Variants in TIMELESS observed in about 807,000 individuals in gnomAD.
TIMELESS encodes the protein protein timeless homolog.
Under a neutral mutation model 164.3 loss-of-function variants are expected in TIMELESS, and 124 were observed. That is an observed-to-expected ratio of 0.75 (90% CI 0.65 to 0.88). TIMELESS has a LOEUF of 0.88. Ranked by LOEUF, TIMELESS falls within the 40% of genes least tolerant of loss-of-function variation. The probability of loss-of-function intolerance (pLI) is 0.00; values close to 1 mark genes in which losing one functional copy is unlikely to be tolerated. For missense variants in TIMELESS, 1,422 were observed against 1,491.4 expected (o/e 0.95, Z 0.77); for synonymous variants, 564 against 563.4 (o/e 1.00, Z -0.02).
chr12:56,421,293 T>A, intron 23 of TIMELESS, 58 bp downstream of exon 23: 1 of 1,595,338 alleles, frequency 6.3e-7, no homozygotes, highest in Non-Finnish European at 8.5e-7. Flanking sequence ...GGACTGCTCC[T>A]AAGGACCACT....
Position 56,422,831 on chromosome 12 carries a change from CCAACTT to C in TIMELESS, c.2438+10_2438+15del. The C allele has an allele frequency of 9.8e-7, 1 of 1,015,496 alleles. No individual in the cohort carries two copies. Among genetic ancestry groups the C allele is most frequent in the Non-Finnish European group, 1.4e-6 (1 of 690,220 alleles). 62.9% of individuals were successfully genotyped at this position (1,015,496 alleles called of 1,614,324 possible). On this transcript the variant is annotated intron_variant, in intron 19 of 28. Transcript: ENST00000553532. ...TTCCCCTACCCCCACCCACCCTTTG[CCAACTT>C]CAAGCTCACCTGTCATCCAGGGAGC...
intron 1 of TIMELESS, among the ~76,000 whole-genome samples, chr12:56,445,672 G>A (rs988159226): frequency 1.3e-5 from 2 of 151,570 alleles, no homozygotes; most frequent in African/African-American, 4.8e-5. Flanking sequence ...GGAGGTTGCA[G>A]TGAGCTGAGA....
chr12:56,422,966 G>A lies in TIMELESS; in HGVS notation c.2319C>T (p.Ile773=). The A allele has an allele frequency of 6.2e-7, 1 of 1,613,924 alleles. No individual in the cohort carries two copies. The highest frequency in any genetic ancestry group is 8.5e-7 in the Non-Finnish European group (1 of 1,179,982). ...CAGCCAGTGCAAAAAATTTGCCCAG[G>A]ATGTATTTGGCAAAAGTCACTAGCT... ...YKELVTFAKY[I]LGKFFALAAV... is the part of the protein sequence containing the mutation. The change falls in exon 19 of 29, where the codon ATC becomes ATT. Residue 773 remains isoleucine (I), a synonymous_variant. Coordinates refer to ENST00000553532, the MANE Select transcript of TIMELESS (RefSeq NM_003920.5).
intron 10 of TIMELESS, 31 bp from the exon 11 acceptor site, chr12:56,429,131 C>G (rs370693217): frequency 1.9e-6 from 3 of 1,577,746 alleles, no homozygotes; most frequent in South Asian, 2.3e-5. Flanking sequence ...AAAAAGATCA[C>G]CATGACTCCA....
chr12:56,439,325 G>A (rs1454922297), intron 1 of TIMELESS, among the ~76,000 whole-genome samples: 1 of 151,974 alleles, frequency 6.6e-6, no homozygotes, highest in Non-Finnish European at 1.5e-5. Context: ...AGGAGGCTGA[G>A]GTGGGCAGAA....
In TIMELESS at chr12:56,423,010, T is replaced by C; in HGVS notation, c.2293-18A>G. ...ACTAGCTCCTGTAGGAGAAGGAGGT[T>C]ACTATGAGGCCTCTCTGGTCCAATG... On this transcript the variant is annotated intron_variant, in intron 18 of 28. Transcript: ENST00000553532. The C allele has an allele frequency of 6.2e-7, 1 of 1,610,856 alleles. No homozygotes were observed. Among genetic ancestry groups the C allele is most frequent in the Non-Finnish European group, 8.5e-7 (1 of 1,178,486 alleles).
intron 15 of TIMELESS, 96 bp downstream of exon 15, chr12:56,424,666 G>A: frequency 2.1e-6 from 3 of 1,458,542 alleles, no homozygotes; most frequent in Non-Finnish European, 2.8e-6. Flanking sequence ...GAGCCTTGAT[G>A]AGACAACTCT....
Position 56,432,527 on chromosome 12 carries a change from G to A in TIMELESS, c.532-3C>T, listed in dbSNP as rs774319418. ...GCACTGGCGTCATCATCAATCTTCT[G>A]AGCAGTGAGTGGTGAGGGTAGAAAG... is the stretch of plus-strand genomic sequence containing the variant. On this transcript the variant is annotated splice_region_variant and splice_polypyrimidine_tract_variant and intron_variant, in intron 6 of 28. Coordinates refer to ENST00000553532, the MANE Select transcript of TIMELESS (RefSeq NM_003920.5). The A allele has an allele frequency of 1.2e-6, 2 of 1,613,122 alleles. No homozygotes were observed. The highest frequency in any genetic ancestry group is 1.7e-5 in the Admixed American group (1 of 60,010).
At chr12:56,429,357 C>T (rs950654216) in intron 10 of TIMELESS, among the ~76,000 whole-genome samples, 15 of 152,096 alleles carry the variant, frequency 9.9e-5, no homozygotes, top group African/African-American at 3.4e-4. Context: ...CGCCACCACG[C>T]CCAGTTAATT....
chr12:56,420,980 T>C lies in TIMELESS; in HGVS notation c.3023A>G (p.Gln1008Arg). The stretch of plus-strand genomic sequence containing the variant: ...GTCCTCACCTTCCTGATGCAGGCTT[T>C]GACCAAGGTTTTCATTTGAAAGGAC... ...SLVLSNENLG[Q>R]SLHQEGFSIP... Residue 1008 changes from glutamine (Q) to arginine (R), a missense_variant, in exon 24 of 29, where the codon CAA becomes CGA. Physicochemically the swap from Gln to Arg is conservative, Grantham distance 43. Coordinates refer to ENST00000553532, the MANE Select transcript of TIMELESS (RefSeq NM_003920.5). 1 of 1,614,190 alleles carries C rather than the reference T, an allele frequency of 6.2e-7. No individual in the cohort carries two copies. The highest frequency in any genetic ancestry group is 8.5e-7 in the Non-Finnish European group (1 of 1,180,022).
intron 1 of TIMELESS, among the ~76,000 whole-genome samples, chr12:56,435,103 T>C (rs1440417362): frequency 6.6e-6 from 1 of 152,122 alleles, no homozygotes; most frequent in East Asian, 1.9e-4. Context: ...ACAGCTCTGA[T>C]GTACCACAGG....
chr12:56,448,832 A>C (rs1174208617), intron 1 of TIMELESS, among the ~76,000 whole-genome samples: 1 of 152,250 alleles, frequency 6.6e-6, no homozygotes, highest in African/African-American at 2.4e-5. Context: ...GCTGAGGTCC[A>C]GGTGACAAAC....
intron 21 of TIMELESS, 24 bp downstream of exon 21, chr12:56,421,875 C>G (rs1438057318): frequency 6.2e-7 from 1 of 1,613,476 alleles, no homozygotes; most frequent in Non-Finnish European, 8.5e-7. Context: ...ATCCCAATAG[C>G]CTCCAGAGCA....
Position 56,416,602 on chromosome 12 carries a change from T to C in TIMELESS, c.*1114A>G, listed in dbSNP as rs971636263. The C allele has an allele frequency of 8.5e-5, 13 of 152,252 alleles. No individual in the cohort carries two copies. The highest frequency in any genetic ancestry group is 1.9e-4 in the Non-Finnish European group (13 of 68,082). The allele number at this position is 152,252 out of a possible 1,614,324, so 9.4% of individuals were successfully genotyped here. On this transcript the variant is annotated 3_prime_UTR_variant, in exon 29 of 29. Coordinates refer to ENST00000553532, the MANE Select transcript of TIMELESS (RefSeq NM_003920.5). ...CTTCTCTTCCTTTATGGCTCCTCCT[T>C]CTTCCTGCCGCATACTCTTGTCACC...
chr12:56,428,299 G>T lies in TIMELESS; in HGVS notation c.1515C>A (p.Thr505=), dbSNP rs572439489. Residue 505 remains threonine, a synonymous_variant, in exon 13 of 29, where the codon ACC becomes ACA. Transcript: ENST00000553532. ...PRSFLRDLVE[T]THLFLKMLER... is the part of the protein sequence containing the mutation. ...CCAACATTTTGAGGAAGAGGTGGGT[G>T]GTCTCCACCAGGTCACGAAGGAAAG... 8.1e-6 allele frequency: 13 copies of T among 1,613,228 alleles called. No homozygotes were observed. Among genetic ancestry groups the T allele is most frequent in the African/African-American group, 6.7e-5 (5 of 74,992 alleles).
chr12:56,447,017 T>A (rs984870452), intron 1 of TIMELESS, among the ~76,000 whole-genome samples: 4 of 143,756 alleles, frequency 2.8e-5, no homozygotes, highest in African/African-American at 1.2e-4. Flanking sequence ...CTTTTTATTT[T>A]TTTTTTTTTT....
chr12:56,417,836 AG>A, intron 28 of TIMELESS, 50 bp from the exon 29 acceptor site: 4 of 1,613,760 alleles, frequency 2.5e-6, no homozygotes, highest in Non-Finnish European at 1.7e-6. Context: ...AAATATGTTA[AG>A]GGGTAAGGAC....
intron 1 of TIMELESS, among the ~76,000 whole-genome samples, chr12:56,437,597 G>GAAGCAAGGTGAAGGGGTAGGT (rs1882114171): frequency 6.6e-6 from 1 of 152,118 alleles, no homozygotes; most frequent in Non-Finnish European, 1.5e-5. Flanking sequence ...CATGAGAGCA[G>GAAGCAAGGTGAAGGGGTAGGT]AAGCAAGGTG....
chr12:56,418,326 G>A lies in TIMELESS; in HGVS notation c.3262C>T (p.Pro1088Ser), dbSNP rs267603582. Residue 1088 changes from proline (P) to serine (S), a missense_variant, in exon 27 of 29, where the codon CCT becomes TCT. Physicochemically the swap from Pro to Ser is moderately conservative, Grantham distance 74 (BLOSUM62 -1). Transcript: ENST00000553532. Reference protein sequence around the residue: ...TFWRIPAKLSPTQLRRAAASL... With the variant: ...TFWRIPAKLSSTQLRRAAASL... Reference sequence around the variant, plus strand: ...GCTGCTGCCCTCCGGAGCTGGGTAGGACTCAGCTTGGCTGGAATTCGCCAG... The same window carrying A: ...GCTGCTGCCCTCCGGAGCTGGGTAGAACTCAGCTTGGCTGGAATTCGCCAG... 1 of 1,612,768 alleles carries A rather than the reference G, an allele frequency of 6.2e-7. No individual in the cohort carries two copies. The highest frequency in any genetic ancestry group is 8.5e-7 in the Non-Finnish European group (1 of 1,179,434).
Sources: allele counts gnomAD v4.1 joint callset (sites outside exome capture counted in the v4.1 genomes callset), GRCh38; gene constraint gnomAD v4.1.1; transcripts MANE v1.5; gene names NCBI Gene and HGNC (gene_info 2026-07-23, HGNC 2026-07-21).